The following GMPR variants were observed in gnomAD, a reference collection of about 807,000 sequenced individuals.
The protein encoded by GMPR is guanosine monophosphate reductase.
In GMPR, 31 loss-of-function variants were observed where a neutral mutation model predicts 38.4. That is an observed-to-expected ratio of 0.81 (90% CI 0.61 to 1.09). GMPR has a LOEUF of 1.09. Among genes scored for constraint, GMPR ranks in the 50% least tolerant of loss-of-function variants. The probability of loss-of-function intolerance (pLI) is 0.00; values close to 1 mark genes in which losing one functional copy is unlikely to be tolerated. For synonymous variants in GMPR, 162 were observed against 173.3 expected (o/e 0.93, Z 0.51); for missense variants, 468 against 453.7 (o/e 1.03, Z -0.29).
chr6:16,294,424 G>A (rs1283171824), intron 8 of GMPR, among the ~76,000 whole-genome samples: 12 of 152,160 alleles, frequency 7.9e-5, no homozygotes, highest in Admixed American at 7.2e-4. Context: ...TAGGACCTGC[G>A]CTATCCATTT....
chr6:16,256,602 A>G (rs1029772542), intron 4 of GMPR, among the ~76,000 whole-genome samples: 3 of 152,000 alleles, frequency 2.0e-5, no homozygotes, highest in African/African-American at 7.2e-5. Context: ...TGGGTTGGGA[A>G]ATAGAAAAAT....
At chr6:16,257,564 A>T (rs1440235952) in intron 4 of GMPR, among the ~76,000 whole-genome samples, 1 of 152,168 alleles carries the variant, frequency 6.6e-6, no homozygotes, top group Admixed American at 6.6e-5. Context: ...TATCGCTGTT[A>T]AACTCACTCC....
chr6:16,272,318 G>T (rs1759401579), intron 4 of GMPR, among the ~76,000 whole-genome samples: 1 of 152,222 alleles, frequency 6.6e-6, no homozygotes. Flanking sequence ...GTTCTGCACT[G>T]TTACAGATAA....
intron 3 of GMPR, among the ~76,000 whole-genome samples, chr6:16,254,302 G>A (rs1758931582): frequency 1.3e-5 from 2 of 152,328 alleles, no homozygotes; most frequent in Admixed American, 1.3e-4. Flanking sequence ...CTGACCTCAG[G>A]TGATCTGCCC....
intron 4 of GMPR, among the ~76,000 whole-genome samples, chr6:16,266,775 C>T (rs912955711): frequency 7.3e-5 from 11 of 151,386 alleles, no homozygotes; most frequent in East Asian, 2.0e-4. Context: ...TAGGTGAGAG[C>T]GAGACTCCGT....
intron 6 of GMPR, among the ~76,000 whole-genome samples, chr6:16,281,281 C>T (rs1029122722): frequency 1.3e-5 from 2 of 152,134 alleles, no homozygotes; most frequent in African/African-American, 4.8e-5. Flanking sequence ...GTGTGAGACC[C>T]ACTGGCTTAT....
At chr6:16,285,033 C>CAAAAAAAAAAAAAA (rs11370216) in intron 6 of GMPR, among the ~76,000 whole-genome samples, 1 of 108,600 alleles carries the variant, frequency 9.2e-6, no homozygotes, top group African/African-American at 3.6e-5. Context: ...AAAAAAAAAA[C>CAAAAAAAAAAAAAA]AAAAAAAAAA....
rs545768244 is a variant in GMPR at position 16,240,693 on chromosome 6, C to T, written c.87+1913C>T. The stretch of plus-strand genomic sequence containing the variant: ...TCTCGGGGAATACTATCACATCATG[C>T]GACAATGTCATGCAACACTTGGCTT... On this transcript the variant is annotated intron_variant, in intron 1 of 8. Transcript: ENST00000259727. 7.9e-5 allele frequency among the ~76,000 whole-genome samples: 12 copies of T among 152,294 alleles called. No homozygotes were observed. In the East Asian group the frequency reaches 1.4e-3, roughly 17 times the overall value.
chr6:16,292,508 C>T (rs1245608448), intron 8 of GMPR, among the ~76,000 whole-genome samples: 1 of 152,066 alleles, frequency 6.6e-6, no homozygotes, highest in African/African-American at 2.4e-5. Context: ...AGGTAGCCCC[C>T]GAGGCCCTCT....
At chr6:16,277,344 G>C (rs1402694370) in intron 5 of GMPR, among the ~76,000 whole-genome samples, 1 of 152,174 alleles carries the variant, frequency 6.6e-6, no homozygotes, top group African/African-American at 2.4e-5. Context: ...AAGACCCCTG[G>C]CAGAAATTAG....
intron 5 of GMPR, among the ~76,000 whole-genome samples, chr6:16,276,856 T>C (rs1759481390): frequency 1.3e-5 from 2 of 152,232 alleles, no homozygotes. Context: ...CCTGCCCCTC[T>C]AGTCAAGAGA....
chr6:16,254,573 G>T lies in GMPR; in HGVS notation c.303G>T (p.Val101=). ...TTATTTTGGTGCAGAATGTAGCCGT[G>T]AGTTCAGGCAGTGGGCAGAATGATC... The part of the protein sequence containing the change: ...NHPECLQNVA[V]SSGSGQNDLE... Residue 101 remains valine, a synonymous_variant, in exon 4 of 9, where the codon GTG becomes GTT. Coordinates refer to ENST00000259727, the MANE Select transcript of GMPR (RefSeq NM_006877.4). 2 of 1,613,898 alleles carry T rather than the reference G, an allele frequency of 1.2e-6. No homozygotes were observed. Among genetic ancestry groups the T allele is most frequent in the South Asian group, 1.1e-5 (1 of 91,074 alleles).
At chr6:16,278,749 C>A (rs1334421962) in intron 5 of GMPR, 35 bp from the exon 6 acceptor site, 1 of 1,380,292 alleles carries the variant, frequency 7.2e-7, no homozygotes, top group South Asian at 1.2e-5. Flanking sequence ...TCATGTATAA[C>A]CATCTATTTG....
chr6:16,238,801 G>A, intron 1 of GMPR, 21 bp downstream of exon 1: 3 of 1,378,832 alleles, frequency 2.2e-6, no homozygotes, highest in South Asian at 1.4e-5. Context: ...TTCGGAAGTC[G>A]CAGTGGGGTG....
At chr6:16,272,610 CTT>C (rs1230769372) in intron 4 of GMPR, among the ~76,000 whole-genome samples, 4 of 152,196 alleles carry the variant, frequency 2.6e-5, no homozygotes. Context: ...AGGTTGAACA[CTT>C]TCCGTTTTTC....
intron 4 of GMPR, chr6:16,263,402 AAG>A (rs1231535764): frequency 6.6e-6 from 1 of 151,884 alleles, no homozygotes; most frequent in Admixed American, 6.6e-5. Context: ...GTGAGAATTG[AAG>A]AGGTTTTAAG....
At chr6:16,241,529 G>A (rs1016638613) in intron 1 of GMPR, among the ~76,000 whole-genome samples, 1 of 152,220 alleles carries the variant, frequency 6.6e-6, no homozygotes, top group Admixed American at 6.5e-5. Flanking sequence ...CAAATGTCCA[G>A]CCCCTGGCAT....
chr6:16,276,418 G>A (rs777592240), intron 5 of GMPR, among the ~76,000 whole-genome samples: 9 of 152,084 alleles, frequency 5.9e-5, no homozygotes, highest in East Asian at 3.9e-4. Context: ...TGATCCACCC[G>A]CCTTGGCCTC....
At chr6:16,279,037 C>G (rs1314844953) in intron 6 of GMPR, 147 bp downstream of exon 6, 1 of 612,012 alleles carries the variant, frequency 1.6e-6, no homozygotes, top group African/African-American at 1.8e-5. Flanking sequence ...GAAACAGAGG[C>G]CCTGCTGCCC....
Sources: allele counts gnomAD v4.1 joint callset (sites outside exome capture counted in the v4.1 genomes callset), GRCh38; gene constraint gnomAD v4.1.1; transcripts MANE v1.5; gene names NCBI Gene and HGNC (gene_info 2026-07-23, HGNC 2026-07-21).